Variants in SPDL1 observed in about 807,000 individuals in gnomAD.
SPDL1 encodes the protein protein Spindly.
A neutral mutation model predicts 79.5 loss-of-function variants in SPDL1; 85 were observed. That is an observed-to-expected ratio of 1.07 (90% CI 0.90 to 1.28). The LOEUF is 1.28. Among genes scored for constraint, SPDL1 ranks in the 50% most tolerant of loss-of-function variants. The pLI is 0.00. For missense variants in SPDL1, 703 were observed against 697.8 expected (o/e 1.01, Z -0.08); for synonymous variants, 269 against 240.3 (o/e 1.12, Z -1.10).
Position 169,599,102 on chromosome 5 carries a change from G to A in SPDL1, c.1267G>A (p.Glu423Lys), listed in dbSNP as rs1755753986. Residue 423 changes from glutamate (E) to lysine (K), a missense_variant, in exon 10 of 12, where the codon GAA (glutamate) becomes AAA (lysine). Coordinates refer to ENST00000265295, the MANE Select transcript of SPDL1 (RefSeq NM_017785.5). ...NERCLQLSESENMKLRAKLDE... is the reference protein window; with the variant it reads ...NERCLQLSESKNMKLRAKLDE... ...AAGATGCCTCCAGCTTTCAGAAAGT[G>A]AAAATATGAAACTGAGAGCTAAACT... 1 of 1,594,024 alleles carries A rather than the reference G, an allele frequency of 6.3e-7. No individual in the cohort carries two copies.
At position 169,592,163 on chromosome 5, in the gene SPDL1, CT is replaced by C. The variant is rs531645906; in HGVS notation, c.336+943del. 2.6e-4 allele frequency among the ~76,000 whole-genome samples: 37 copies of C among 141,842 alleles called. 3 individuals carry two copies. In the South Asian group the frequency reaches 8.1e-3, roughly 31 times the overall value. The allele number at this position is 141,842 out of a possible 152,430, so 93.1% of individuals were successfully genotyped here. A position where few individuals can be genotyped will look rare whatever the true frequency, so the allele number is the denominator to read the frequency against. ...TATTACTTAATTTCTCATTGACTCT[CT>C]TTTAATGTTTACTGATTTTAAGAAA... is the stretch of plus-strand genomic sequence containing the variant. On this transcript the variant is annotated intron_variant, in intron 3 of 11. Coordinates refer to ENST00000265295, the MANE Select transcript of SPDL1 (RefSeq NM_017785.5).
In SPDL1 at chr5:169,604,057, T is replaced by C. The variant is rs1756067270; in HGVS notation, c.1671-3T>C. The C allele has an allele frequency of 6.2e-7, 1 of 1,607,308 alleles. No individual in the cohort carries two copies. On this transcript the variant is annotated splice_polypyrimidine_tract_variant and splice_region_variant and intron_variant, in intron 11 of 11. Coordinates refer to ENST00000265295, the MANE Select transcript of SPDL1 (RefSeq NM_017785.5). ...TTCAGAGTGGATGCTTTAATGCCTG[T>C]AGGTTAGCTGCTGAATCAAAGCTTC...
At chr5:169,599,279 T>C in intron 10 of SPDL1, 120 bp downstream of exon 10, 1 of 836,050 alleles carries the variant, frequency 1.2e-6, no homozygotes, top group Non-Finnish European at 1.7e-6. Flanking sequence ...GTTATATACC[T>C]ATAGTTAATA....
chr5:169,601,492 A>G lies in SPDL1; in HGVS notation c.1537A>G (p.Ser513Gly). The G allele has an allele frequency of 6.2e-7, 1 of 1,614,178 alleles. No homozygotes were observed. The highest frequency in any genetic ancestry group is 8.5e-7 in the Non-Finnish European group (1 of 1,180,008). ...AGTTTCTATATACACACCAGTAGTC[A>G]GTCTCTCTCCTCACAAAAATCTGCC... is the stretch of plus-strand genomic sequence containing the variant. ...KSVSIYTPVV[S>G]LSPHKNLPVD... The change falls in exon 11 of 12, where the codon AGT becomes GGT. Residue 513 changes from serine to glycine, a missense_variant. Physicochemically the swap from Ser to Gly is moderately conservative, Grantham distance 56. Transcript: ENST00000265295.
At chr5:169,589,526 G>T (rs1285036844) in intron 2 of SPDL1, among the ~76,000 whole-genome samples, 1 of 149,868 alleles carries the variant, frequency 6.7e-6, no homozygotes, top group African/African-American at 2.5e-5. Context: ...GACTATACTG[G>T]TCCTCCCTTA....
chr5:169,596,324 T>C, intron 7 of SPDL1: 1 of 419,480 alleles, frequency 2.4e-6, no homozygotes, highest in South Asian at 3.0e-5. Flanking sequence ...AGTTTTATGT[T>C]TCACAAAAGT....
chr5:169,592,671 T>C (rs902706400), intron 3 of SPDL1, among the ~76,000 whole-genome samples: 1 of 152,194 alleles, frequency 6.6e-6, no homozygotes, highest in African/African-American at 2.4e-5. Context: ...TTTGAGGCCC[T>C]AATGACTGAT....
At position 169,595,493 on chromosome 5, in the gene SPDL1, T is replaced by C. The variant is rs1396901176; in HGVS notation, c.891+812T>C. 2.6e-5 allele frequency: 4 copies of C among 152,358 alleles called. No homozygotes were observed. In the East Asian group the frequency reaches 5.8e-4, roughly 22 times the overall value. The allele number at this position is 152,358 out of a possible 1,614,324, so 9.4% of individuals were successfully genotyped here. On this transcript the variant is annotated intron_variant, in intron 7 of 11. Coordinates refer to ENST00000265295, the MANE Select transcript of SPDL1 (RefSeq NM_017785.5). ...CAGTACCTCATCTATTAAGTGAAGA[T>C]GATAGAACCCCCTCTTAGAATTGTC...
At position 169,601,317 on chromosome 5, in the gene SPDL1, G is replaced by A; in HGVS notation, c.1362G>A (p.Glu454=). The A allele has an allele frequency of 6.2e-7, 1 of 1,613,492 alleles. No homozygotes were observed. The highest frequency in any genetic ancestry group is 2.2e-5 in the East Asian group (1 of 44,838). ...TGCCTGTACTGAAAAAGAGGCGTGA[G>A]GTGCTCCCTGTGGATATAACCACCG... ...VEVPVLKKRR[E]VLPVDITTAK... is the part of the protein sequence containing the mutation. The change falls in exon 11 of 12, where the codon GAG becomes GAA. Residue 454 remains glutamate, a synonymous_variant. Transcript: ENST00000265295.
intron 11 of SPDL1, 103 bp from the exon 12 acceptor site, chr5:169,603,957 C>A: frequency 7.7e-7 from 1 of 1,305,570 alleles, no homozygotes; most frequent in South Asian, 1.6e-5. Context: ...ATTTTTTTTC[C>A]TTGAATACCA....
chr5:169,584,148 A>G (rs1408971747), intron 1 of SPDL1: 4 of 152,162 alleles, frequency 2.6e-5, no homozygotes, highest in Admixed American at 2.0e-4. Flanking sequence ...TATAACCGCC[A>G]CTGGATCTGC....
At chr5:169,599,249 CTA>C in intron 10 of SPDL1, 90 bp downstream of exon 10, 6 of 1,037,108 alleles carry the variant, frequency 5.8e-6, no homozygotes, top group Non-Finnish European at 6.6e-6. Context: ...TTATGCAACT[CTA>C]TTACAAACTC....
At chr5:169,598,383 T>A (rs1755701671) in intron 8 of SPDL1, 93 bp from the exon 9 acceptor site, 2 of 793,780 alleles carry the variant, frequency 2.5e-6, no homozygotes, top group Non-Finnish European at 2.1e-6. Context: ...CCAAGGGATA[T>A]AAATTCAGGA....
chr5:169,592,703 T>G (rs1755358930), intron 3 of SPDL1, among the ~76,000 whole-genome samples: 2 of 151,764 alleles, frequency 1.3e-5, no homozygotes, highest in African/African-American at 4.8e-5. Flanking sequence ...TTCTTCCCCC[T>G]CTGGTTGTTA....
At chr5:169,602,891 A>C (rs1339413723) in intron 11 of SPDL1, among the ~76,000 whole-genome samples, 1 of 152,234 alleles carries the variant, frequency 6.6e-6, no homozygotes, top group African/African-American at 2.4e-5. Context: ...GATGCATTGT[A>C]TAAACATCCT....
chr5:169,590,805 C>G, intron 2 of SPDL1: 1 of 540,282 alleles, frequency 1.9e-6, no homozygotes, highest in South Asian at 1.5e-5. Flanking sequence ...ATTTTACTTC[C>G]TTGACAAGGC....
In SPDL1 at chr5:169,604,402, C is replaced by CT. The variant is rs1756084730; in HGVS notation, c.*197dup. On this transcript the variant is annotated 3_prime_UTR_variant, in exon 12 of 12. Transcript: ENST00000265295. ...CTGGAGAGCTTCTTAAGTGATGCCC[C>CT]TTCATGGAGCTTCTATGACAGTGAA... 3 of 378,440 alleles carry CT rather than the reference C, an allele frequency of 7.9e-6. No homozygotes were observed. The highest frequency in any genetic ancestry group is 1.4e-5 in the Non-Finnish European group (3 of 212,580). 23.4% of individuals were successfully genotyped at this position (378,440 alleles called of 1,614,324 possible).
chr5:169,599,307 A>C, intron 10 of SPDL1, 148 bp downstream of exon 10: 1 of 649,312 alleles, frequency 1.5e-6, no homozygotes, highest in Non-Finnish European at 2.3e-6. Flanking sequence ...TTTATTGTGT[A>C]AAATAGGTAG....
intron 8 of SPDL1, among the ~76,000 whole-genome samples, chr5:169,597,888 G>A (rs951815465): frequency 2.6e-5 from 4 of 152,164 alleles, no homozygotes; most frequent in African/African-American, 9.7e-5. Context: ...ACTATACTCT[G>A]AAAATTATGG....
Sources: gnomAD v4.1 joint callset for allele counts (sites outside exome capture counted in the v4.1 genomes callset) on GRCh38, gnomAD v4.1.1 for gene constraint, MANE v1.5 for transcripts, NCBI Gene and HGNC (gene_info 2026-07-23, HGNC 2026-07-21) for gene names.